Variants in CDK8 observed in about 807,000 individuals in gnomAD.
CDK8 encodes the protein cyclin-dependent kinase 8.
A neutral mutation model predicts 71.5 loss-of-function variants in CDK8; 29 were observed. The ratio of observed to expected loss-of-function variants is 0.41; its 90% CI spans 0.30 to 0.55. The LOEUF (loss-of-function observed/expected upper bound fraction) is 0.55. Ranked by LOEUF, CDK8 falls within the 20% of genes least tolerant of loss-of-function variation. The pLI is 0.37. For synonymous variants in CDK8, 161 were observed against 192.1 expected (o/e 0.84, Z 1.34); for missense variants, 288 against 572.6 (o/e 0.50, Z 5.07).
At chr13:26,263,357 G>A (rs1871865573) in intron 1 of CDK8, among the ~76,000 whole-genome samples, 1 of 152,062 alleles carries the variant, frequency 6.6e-6, no homozygotes, top group South Asian at 2.1e-4. Context: ...AGATGGTCTC[G>A]ATCTCCTGGC....
In CDK8 at chr13:26,404,079, T is replaced by G. The variant is rs759567933; in HGVS notation, c.1393T>G (p.Ter465GlyextTer29). The G allele has an allele frequency of 2.5e-6, 4 of 1,613,752 alleles. No homozygotes were observed. The highest frequency in any genetic ancestry group is 1.3e-5 in the African/African-American group (1 of 74,942). ...PQYSHQTHRY[*>G] ...GTACTCACATCAGACACATCGGTAC[T>G]GAGCTGCATCGGAATCTTGTCCATG... Residue 465 changes from the stop codon to glycine, a stop_lost, in exon 13 of 13, where the codon TGA (stop) becomes GGA (glycine). Transcript: ENST00000381527.
chr13:26,335,547 G>A (rs1565977011), intron 1 of CDK8, among the ~76,000 whole-genome samples: 1 of 151,956 alleles, frequency 6.6e-6, no homozygotes, highest in African/African-American at 2.4e-5. Context: ...ATGTCTCACT[G>A]GTCCCCAAAA....
intron 4 of CDK8, among the ~76,000 whole-genome samples, chr13:26,354,493 C>G (rs1177429747): frequency 7.2e-5 from 11 of 152,152 alleles, no homozygotes; most frequent in Non-Finnish European, 1.5e-4. Flanking sequence ...GTCCCCAACC[C>G]CCAGGCCACA....
intron 4 of CDK8, among the ~76,000 whole-genome samples, chr13:26,357,574 A>G (rs1340470688): frequency 6.6e-6 from 1 of 152,154 alleles, no homozygotes; most frequent in Non-Finnish European, 1.5e-5. Flanking sequence ...CTACCAGTCT[A>G]CTATAGTCCT....
chr13:26,315,225 A>C (rs1874454849), intron 1 of CDK8, among the ~76,000 whole-genome samples: 1 of 152,160 alleles, frequency 6.6e-6, no homozygotes. Context: ...TTTTAGTTTT[A>C]TATAAAGATC....
At chr13:26,339,340 T>C (rs1353202250) in intron 2 of CDK8, among the ~76,000 whole-genome samples, 1 of 152,088 alleles carries the variant, frequency 6.6e-6, no homozygotes, top group Admixed American at 6.5e-5. Context: ...TGTACAGTTG[T>C]AGCATCATTT....
chr13:26,275,508 A>C (rs1238533884), intron 1 of CDK8, among the ~76,000 whole-genome samples: 1 of 152,172 alleles, frequency 6.6e-6, no homozygotes, highest in Non-Finnish European at 1.5e-5. Flanking sequence ...AAGTTTGTGC[A>C]CCTGTACGTC....
At chr13:26,263,243 C>G (rs1871856857) in intron 1 of CDK8, among the ~76,000 whole-genome samples, 1 of 152,090 alleles carries the variant, frequency 6.6e-6, no homozygotes. Flanking sequence ...TCACGCCATT[C>G]TCCTGCCTCA....
intron 1 of CDK8, among the ~76,000 whole-genome samples, chr13:26,260,488 C>T (rs1566460751): frequency 1.3e-5 from 2 of 152,120 alleles, no homozygotes; most frequent in South Asian, 4.1e-4. Context: ...TCTGCTTTGG[C>T]CTCACCTCCA....
Position 26,401,668 on chromosome 13 carries a change from A to G in CDK8, c.1269+44A>G, listed in dbSNP as rs1346425865. The stretch of plus-strand genomic sequence containing the variant: ...GTATTGACTGCATGTCAGTGTTTAC[A>G]TATGGGTTTATGATCGTGGGAAAAT... On this transcript the variant is annotated intron_variant, in intron 12 of 12. Coordinates refer to ENST00000381527, the MANE Select transcript of CDK8 (RefSeq NM_001260.3). This position sits in a 1 kb window ranked among gnomAD's most constrained non-coding sequence, Gnocchi z 4.5. 1.9e-6 allele frequency: 3 copies of G among 1,587,434 alleles called. No individual in the cohort carries two copies. Among genetic ancestry groups the G allele is most frequent in the African/African-American group, 2.7e-5 (2 of 74,400 alleles).
At chr13:26,362,889 G>A (rs1874211175) in intron 4 of CDK8, among the ~76,000 whole-genome samples, 1 of 151,898 alleles carries the variant, frequency 6.6e-6, no homozygotes, top group Non-Finnish European at 1.5e-5. Flanking sequence ...TTTTATCATA[G>A]TAGTAGTTAA....
At position 26,279,621 on chromosome 13, in the gene CDK8, G is replaced by T. The variant is rs9578986; in HGVS notation, c.128+24852G>T. On this transcript the variant is annotated intron_variant, in intron 1 of 12. Transcript: ENST00000381527. ...TCATGAAAAGCTTTGTGGTAGTGGCGTAGGGATTCAATTAAAAAAAGACTA... is the reference window on the plus strand; with the variant it reads ...TCATGAAAAGCTTTGTGGTAGTGGCTTAGGGATTCAATTAAAAAAAGACTA... 6.8e-3 allele frequency among the ~76,000 whole-genome samples: 1,029 copies of T among 152,110 alleles called. 8 individuals are homozygous for T. The highest frequency in any genetic ancestry group is 0.024 in the Middle Eastern group (7 of 294).
intron 1 of CDK8, among the ~76,000 whole-genome samples, chr13:26,262,384 T>G (rs538652454): frequency 7.0e-6 from 1 of 143,426 alleles, no homozygotes; most frequent in African/African-American, 3.0e-5. Context: ...TTTTGTACTT[T>G]TGTGTATGTG....
At chr13:26,375,706 T>G (rs1874913709) in intron 4 of CDK8, among the ~76,000 whole-genome samples, 1 of 152,212 alleles carries the variant, frequency 6.6e-6, no homozygotes, top group Admixed American at 6.5e-5. Flanking sequence ...ACATAAAATA[T>G]GCACACAATG....
chr13:26,309,677 GA>G (rs1184783907), intron 1 of CDK8, among the ~76,000 whole-genome samples: 177 of 152,206 alleles, frequency 1.2e-3, no homozygotes, highest in African/African-American at 4.0e-3. Context: ...CTAGGCTCGA[GA>G]TACCCTTAAT....
intron 1 of CDK8, among the ~76,000 whole-genome samples, chr13:26,270,025 G>T (rs1872226505): frequency 6.6e-6 from 1 of 151,964 alleles, no homozygotes; most frequent in South Asian, 2.1e-4. Flanking sequence ...ATACATTTGT[G>T]GTTCATAAAG....
chr13:26,262,153 T>C (rs1321351832), intron 1 of CDK8, among the ~76,000 whole-genome samples: 1 of 152,220 alleles, frequency 6.6e-6, no homozygotes, highest in African/African-American at 2.4e-5. Flanking sequence ...TAACTACGTA[T>C]CTTAACATAC....
intron 1 of CDK8, among the ~76,000 whole-genome samples, chr13:26,255,092 G>T (rs9578981): frequency 7.7e-4 from 106 of 138,378 alleles, no homozygotes; most frequent in African/African-American, 3.1e-3. Flanking sequence ...AATGTTTTTT[G>T]TTTTTTTTTT....
At chr13:26,337,234 G>T (rs1225737549) in intron 1 of CDK8, among the ~76,000 whole-genome samples, 1 of 152,138 alleles carries the variant, frequency 6.6e-6, no homozygotes, top group Non-Finnish European at 1.5e-5. Flanking sequence ...GAGAAAGCAG[G>T]TTTTATTTTA....
Sources: gnomAD v4.1 joint callset for allele counts (sites outside exome capture counted in the v4.1 genomes callset) on GRCh38, gnomAD v4.1.1 for gene constraint, Gnocchi (gnomAD v3.1) non-coding constraint, MANE v1.5 for transcripts, NCBI Gene and HGNC (gene_info 2026-07-23, HGNC 2026-07-21) for gene names.